NOX4: variants seen among roughly 807,000 people sequenced by gnomAD.
NOX4 encodes kidney oxidase-1.
In NOX4, 69 loss-of-function variants were observed where a neutral mutation model predicts 87.6. The ratio of observed to expected loss-of-function variants is 0.79; its 90% confidence interval spans 0.65 to 0.96. The LOEUF (loss-of-function observed/expected upper bound fraction) is 0.96. Among genes scored for constraint, NOX4 ranks in the 40% least tolerant of loss-of-function variants. NOX4 has a pLI of 0.00. For missense variants in NOX4, 680 were observed against 681.5 expected, an observed-to-expected ratio of 1.00 and a Z score of 0.02; for synonymous variants, 275 against 238.2, an observed-to-expected ratio of 1.15 and a Z score of -1.42.
chr11:89,505,097 T>C, the NOX4 span, among the ~76,000 whole-genome samples: 2 of 151,986 alleles, frequency 1.3e-5, no homozygotes, highest in Non-Finnish European at 2.9e-5. Flanking sequence ...TTACTTACCT[T>C]TTAAGTCTCA....
chr11:89,551,420 C>A, the NOX4 span, among the ~76,000 whole-genome samples: 1 of 152,144 alleles, frequency 6.6e-6, no homozygotes, highest in Non-Finnish European at 1.5e-5. Context: ...AGTACTGATT[C>A]TTCCTATCCA....
chr11:89,462,617 G>A (rs969470832), intron 2 of NOX4, among the ~76,000 whole-genome samples: 3 of 152,084 alleles, frequency 2.0e-5, no homozygotes, highest in Middle Eastern at 3.4e-3. Flanking sequence ...GAGTCTATTC[G>A]ATGAAGAAAA....
At chr11:89,566,289 C>A in the NOX4 span, among the ~76,000 whole-genome samples, 8 of 151,894 alleles carry the variant, frequency 5.3e-5, no homozygotes, top group East Asian at 5.8e-4. Flanking sequence ...GTGCTCCCCG[C>A]CCTTTGCCTC....
intron 13 of NOX4, 124 bp from the exon 14 acceptor site, chr11:89,342,317 G>T: frequency 1.3e-6 from 1 of 765,064 alleles, no homozygotes; most frequent in Non-Finnish European, 2.1e-6. Context: ...CTTATTTCAT[G>T]GTTTCTCATA....
chr11:89,561,939 A>G, the NOX4 span, among the ~76,000 whole-genome samples: 4 of 152,154 alleles, frequency 2.6e-5, no homozygotes, highest in Non-Finnish European at 5.9e-5. Context: ...TCATACATGA[A>G]TATGCCCTGT....
chr11:89,377,385 C>T (rs1427527241), intron 11 of NOX4, among the ~76,000 whole-genome samples: 1 of 152,018 alleles, frequency 6.6e-6, no homozygotes, highest in Non-Finnish European at 1.5e-5. Flanking sequence ...ACACATTCAC[C>T]TAAGTCTAAG....
At chr11:89,545,474 A>G in the NOX4 span, 1 of 152,174 alleles carries the variant, frequency 6.6e-6, no homozygotes, top group South Asian at 2.1e-4. Context: ...AAAACTTACA[A>G]TACACAAAAA....
chr11:89,399,013 A>G (rs1350142741), intron 11 of NOX4, among the ~76,000 whole-genome samples: 2 of 152,042 alleles, frequency 1.3e-5, no homozygotes, highest in African/African-American at 2.4e-5. Context: ...GACATATGTC[A>G]AACAGTAGAG....
At chr11:89,441,492 A>G (rs895088249) in intron 5 of NOX4, among the ~76,000 whole-genome samples, 6 of 152,162 alleles carry the variant, frequency 3.9e-5, no homozygotes, top group African/African-American at 1.4e-4. Context: ...ACTAAGAAGG[A>G]AACGATTGAT....
At chr11:89,339,982 G>A (rs1199893379) in intron 15 of NOX4, 81 bp downstream of exon 15, 16 of 657,880 alleles carry the variant, frequency 2.4e-5, no homozygotes, top group Middle Eastern at 2.6e-4. Flanking sequence ...TCTATGGCAA[G>A]CATTTATTGC....
chr11:89,451,460 G>A (rs1253141805), intron 3 of NOX4, among the ~76,000 whole-genome samples: 1 of 152,128 alleles, frequency 6.6e-6, no homozygotes, highest in African/African-American at 2.4e-5. Context: ...GTTACTCAAA[G>A]CCTCTATGCC....
At chr11:89,409,782 G>A (rs935863653) in intron 8 of NOX4, among the ~76,000 whole-genome samples, 1 of 152,092 alleles carries the variant, frequency 6.6e-6, no homozygotes, top group Non-Finnish European at 1.5e-5. Context: ...ATAGGACATT[G>A]TATTTATTAA....
intron 3 of NOX4, among the ~76,000 whole-genome samples, chr11:89,451,261 T>C (rs1251793417): frequency 6.6e-6 from 1 of 152,098 alleles, no homozygotes; most frequent in Non-Finnish European, 1.5e-5. Flanking sequence ...AAAATGAGTA[T>C]ATGTGTTAAG....
At chr11:89,331,850 G>A (rs1014474173) in intron 17 of NOX4, among the ~76,000 whole-genome samples, 2 of 150,348 alleles carry the variant, frequency 1.3e-5, no homozygotes, top group African/African-American at 2.4e-5. Context: ...TATCCTCTCC[G>A]TGTGTGTGCG....
the NOX4 span, among the ~76,000 whole-genome samples, chr11:89,538,981 G>T: frequency 6.6e-6 from 1 of 152,040 alleles, no homozygotes; most frequent in Non-Finnish European, 1.5e-5. Flanking sequence ...TAAGAGGCCA[G>T]AGAGCTTGCA....
At chr11:89,467,045 T>A (rs1392843741) in intron 2 of NOX4, among the ~76,000 whole-genome samples, 1 of 152,024 alleles carries the variant, frequency 6.6e-6, no homozygotes, top group Non-Finnish European at 1.5e-5. Flanking sequence ...ACTTTGTAGG[T>A]TACATTAAGA....
chr11:89,534,587 C>T, the NOX4 span, among the ~76,000 whole-genome samples: 1 of 152,242 alleles, frequency 6.6e-6, no homozygotes, highest in African/African-American at 2.4e-5. Flanking sequence ...TTCTTCTGTA[C>T]AGCTCTTGCC....
At chr11:89,571,217 C>T in the NOX4 span, among the ~76,000 whole-genome samples, 1 of 152,162 alleles carries the variant, frequency 6.6e-6, no homozygotes, top group African/African-American at 2.4e-5. Flanking sequence ...TTATTGGCAG[C>T]ATTTTTACTC....
At chr11:89,408,026 A>C (rs1484457610) in intron 8 of NOX4, among the ~76,000 whole-genome samples, 1 of 151,868 alleles carries the variant, frequency 6.6e-6, no homozygotes, top group Non-Finnish European at 1.5e-5. Flanking sequence ...TGATTCTGAC[A>C]GTTATTTTTA....
Sources: gnomAD v4.1 joint callset for allele counts (sites outside exome capture counted in the v4.1 genomes callset) on GRCh38, gnomAD v4.1.1 for gene constraint, MANE v1.5 for transcripts, NCBI Gene and HGNC (gene_info 2026-07-23, HGNC 2026-07-21) for gene names.